The following HCFC2 variants were observed in gnomAD, a reference collection of about 807,000 sequenced individuals.
HCFC2 encodes the protein host cell factor 2.
In HCFC2, 18 loss-of-function variants were observed where a neutral mutation model predicts 89.2. The ratio of observed to expected loss-of-function variants is 0.20; its 90% CI spans 0.14 to 0.30. The LOEUF (loss-of-function observed/expected upper bound fraction) is 0.30. Ranked by LOEUF, HCFC2 falls within the 10% of genes least tolerant of loss-of-function variation. The probability of loss-of-function intolerance (pLI) is 1.00; values close to 1 mark genes in which losing one functional copy is unlikely to be tolerated. For missense variants in HCFC2, 578 were observed against 956.1 expected (o/e 0.60, Z 5.21); for synonymous variants, 308 against 335.7 (o/e 0.92, Z 0.90).
Position 104,102,150 on chromosome 12 carries a change from A to G in HCFC2, c.2061A>G (p.Ser687=), listed in dbSNP as rs750506072. 6.2e-7 allele frequency: 1 copy of G among 1,612,930 alleles called. No individual in the cohort carries two copies. The highest frequency in any genetic ancestry group is 1.1e-5 in the South Asian group (1 of 90,936). Residue 687 remains serine (S), a synonymous_variant, in exon 14 of 15, where the codon TCA becomes TCG. Transcript: ENST00000229330. ...GAGCTCCTTCTGCAGTCAGAATTTCAAAGGTGAGACATCGGGTCAAGACTT... is the reference window on the plus strand; with the variant it reads ...GAGCTCCTTCTGCAGTCAGAATTTCGAAGGTGAGACATCGGGTCAAGACTT... The part of the protein sequence containing the change: ...FPGAPSAVRI[S]KNVEGIHLSW...
chr12:104,065,006 C>T, intron 1 of HCFC2: 1 of 335,610 alleles, frequency 3.0e-6, no homozygotes, highest in Non-Finnish European at 5.4e-6. Flanking sequence ...GACAGGCGGA[C>T]GCAGGCGACA....
chr12:104,098,409 AT>A lies in HCFC2; in HGVS notation c.1812del (p.Phe604LeufsTer8). On this transcript the variant is annotated frameshift_variant, in exon 13 of 15. Transcript: ENST00000229330. LOFTEE classifies it high-confidence loss of function. ...AGAACGACAATGGTGTGATGTGGGA[AT>A]TTTTAAAAATAATACAGCTTTGGTG... ...AGERQWCDVGIFKNNTALVSQ... is the reference protein window; with the variant it reads ...AGERQWCDVGXFKNNTALVSQ... The A allele has an allele frequency of 6.2e-7, 1 of 1,613,114 alleles. No homozygotes were observed. Among genetic ancestry groups the A allele is most frequent in the African/African-American group, 1.3e-5 (1 of 75,012 alleles).
chr12:104,102,567 A>G (rs2029982937), intron 14 of HCFC2, among the ~76,000 whole-genome samples: 1 of 152,224 alleles, frequency 6.6e-6, no homozygotes, highest in African/African-American at 2.4e-5. Context: ...ACAGAAAGGC[A>G]GGGAAATCTG....
chr12:104,070,749 C>G (rs1227080254), intron 3 of HCFC2, among the ~76,000 whole-genome samples: 2 of 149,526 alleles, frequency 1.3e-5, no homozygotes, highest in African/African-American at 4.9e-5. Context: ...AATGTGGAAA[C>G]TACAGAAAAG....
chr12:104,097,659 A>T, intron 12 of HCFC2: 1 of 981,856 alleles, frequency 1.0e-6, no homozygotes, highest in Non-Finnish European at 1.2e-6. Flanking sequence ...TTCTGGAAAC[A>T]GTGTCTCATT....
intron 9 of HCFC2, among the ~76,000 whole-genome samples, chr12:104,089,801 G>T (rs1295308731): frequency 6.6e-6 from 1 of 152,024 alleles, no homozygotes; most frequent in Non-Finnish European, 1.5e-5. Context: ...GTTTTTCCTG[G>T]CATTAACGGC....
At chr12:104,084,114 G>A (rs1037122948) in intron 7 of HCFC2, among the ~76,000 whole-genome samples, 11 of 152,180 alleles carry the variant, frequency 7.2e-5, no homozygotes, top group Non-Finnish European at 1.3e-4. Context: ...ATTGACAGCT[G>A]CGTAGCAGGA....
At chr12:104,070,069 C>CTGAA (rs969807544) in intron 3 of HCFC2, among the ~76,000 whole-genome samples, 7 of 152,234 alleles carry the variant, frequency 4.6e-5, no homozygotes, top group African/African-American at 9.6e-5. Flanking sequence ...GTCTCCCAGG[C>CTGAA]TGAAGTGCAG....
intron 13 of HCFC2, among the ~76,000 whole-genome samples, chr12:104,100,580 A>AG (rs1293621616): frequency 6.6e-6 from 1 of 152,126 alleles, no homozygotes; most frequent in African/African-American, 2.4e-5. Flanking sequence ...TCTCAAAAAA[A>AG]AAAATTATTA....
chr12:104,069,060 C>T (rs1403227115), intron 3 of HCFC2, among the ~76,000 whole-genome samples: 2 of 152,168 alleles, frequency 1.3e-5, no homozygotes, highest in Non-Finnish European at 2.9e-5. Context: ...AATCCCAGCA[C>T]TTTGGGAAGC....
chr12:104,099,618 A>T (rs968801389), intron 13 of HCFC2, among the ~76,000 whole-genome samples: 4 of 142,840 alleles, frequency 2.8e-5, no homozygotes, highest in Non-Finnish European at 6.2e-5. Context: ...CTCTAAATTT[A>T]AAAAAAAAAA....
chr12:104,082,656 A>AT, intron 6 of HCFC2, 50 bp downstream of exon 6: 1 of 1,574,988 alleles, frequency 6.3e-7, no homozygotes, highest in African/African-American at 1.4e-5. Context: ...TAATAAGATA[A>AT]TTTTTGTAAT....
chr12:104,099,660 T>TTTTG (rs961945741), intron 13 of HCFC2, among the ~76,000 whole-genome samples: 2 of 152,040 alleles, frequency 1.3e-5, no homozygotes, highest in African/African-American at 2.4e-5. Flanking sequence ...GTGGAGAGTT[T>TTTTG]TTTGTTTGTT....
intron 3 of HCFC2, among the ~76,000 whole-genome samples, chr12:104,075,959 T>C (rs1883482354): frequency 6.6e-6 from 1 of 152,232 alleles, no homozygotes; most frequent in Non-Finnish European, 1.5e-5. Flanking sequence ...TTTAAAGATC[T>C]CCAAGTGGAA....
intron 9 of HCFC2, among the ~76,000 whole-genome samples, chr12:104,091,828 G>A (rs1307372904): frequency 2.0e-5 from 3 of 152,136 alleles, no homozygotes. Context: ...CTTACTGATA[G>A]GATTCTTGTG....
intron 13 of HCFC2, among the ~76,000 whole-genome samples, chr12:104,099,605 T>C (rs1438538005): frequency 6.6e-6 from 1 of 150,598 alleles, no homozygotes; most frequent in African/African-American, 2.5e-5. Context: ...TGGCAATACC[T>C]ATCTCTAAAT....
At chr12:104,067,835 G>T in intron 2 of HCFC2, 112 bp from the exon 3 acceptor site, 2 of 1,024,988 alleles carry the variant, frequency 2.0e-6, no homozygotes, top group Non-Finnish European at 2.7e-6. Flanking sequence ...GTTTTTTAGT[G>T]CCTTCTGATG....
intron 3 of HCFC2, among the ~76,000 whole-genome samples, chr12:104,074,093 G>A (rs570592281): frequency 6.6e-6 from 1 of 152,124 alleles, no homozygotes; most frequent in South Asian, 2.1e-4. Context: ...ATTAATTGTG[G>A]CATTTGCTAT....
chr12:104,067,871 T>C, intron 2 of HCFC2, 76 bp from the exon 3 acceptor site: 1 of 1,306,586 alleles, frequency 7.7e-7, no homozygotes, highest in Non-Finnish European at 1.0e-6. Context: ...TGTATTGATA[T>C]GATGTTGCAC....
Sources: allele counts gnomAD v4.1 joint callset (sites outside exome capture counted in the v4.1 genomes callset), GRCh38; gene constraint gnomAD v4.1.1; transcripts MANE v1.5; gene names NCBI Gene and HGNC (gene_info 2026-07-23, HGNC 2026-07-21).